Variants in SHANK1 observed in about 807,000 individuals in gnomAD.
SHANK1 encodes SH3 and multiple ankyrin repeat domains protein 1.
Under a neutral mutation model 165.6 loss-of-function variants are expected in SHANK1, and 35 were observed. That is an observed-to-expected ratio of 0.21 (90% CI 0.16 to 0.28). SHANK1 has a LOEUF of 0.28. Among genes scored for constraint, SHANK1 ranks in the 10% least tolerant of loss-of-function variants. SHANK1 has a pLI of 1.00. For synonymous variants in SHANK1, 1,428 were observed against 1,384.8 expected, an observed-to-expected ratio of 1.03 and a Z score of -0.69; for missense variants, 2,681 against 3,036.4, an observed-to-expected ratio of 0.88 and a Z score of 2.75.
chr19:50,686,196 G>C lies in SHANK1; in HGVS notation c.2577+41C>G. On this transcript the variant is annotated intron_variant, in intron 21 of 23. Coordinates refer to ENST00000293441, the MANE Select transcript of SHANK1 (RefSeq NM_016148.5). The surrounding 1 kb of genome is among the most constrained non-coding windows in gnomAD (Gnocchi z 5.7). ...AAGGCTCCAGGTTGGTGTGTGAACC[G>C]CCTCCCCCCTGGCAGTTCCTCCCCA... The C allele has an allele frequency of 8.1e-7, 1 of 1,229,290 alleles. No homozygotes were observed. The highest frequency in any genetic ancestry group is 1.2e-6 in the Non-Finnish European group (1 of 863,202). 76.1% of individuals were successfully genotyped at this position (1,229,290 alleles called of 1,614,324 possible). A position where few individuals can be genotyped will look rare whatever the true frequency, so the allele number is the denominator to read the frequency against.
In SHANK1 at chr19:50,660,253, C is replaced by T. The variant is rs906019618; in HGVS notation, c.*1712G>A. On this transcript the variant is annotated 3_prime_UTR_variant, in exon 24 of 24. Transcript: ENST00000293441. Reference sequence around the variant, plus strand: ...AGAGGAAGCGTGCGGGAAGGAACAGCCATGCTGGAGGGAGAGGGAGCTTCT... The same window carrying T: ...AGAGGAAGCGTGCGGGAAGGAACAGTCATGCTGGAGGGAGAGGGAGCTTCT... 3.3e-5 allele frequency among the ~76,000 whole-genome samples: 5 copies of T among 152,094 alleles called. No individual in the cohort carries two copies. Among genetic ancestry groups the T allele is most frequent in the African/African-American group, 1.2e-4 (5 of 41,410 alleles).
intron 21 of SHANK1, among the ~76,000 whole-genome samples, chr19:50,680,350 C>G (rs1986137140): frequency 6.6e-6 from 1 of 151,964 alleles, no homozygotes; most frequent in South Asian, 2.1e-4. Flanking sequence ...GGAGGGAACC[C>G]CAGAAGTGGG....
At position 50,687,643 on chromosome 19, in the gene SHANK1, C is replaced by A. The variant is rs779975519; in HGVS notation, c.2328G>T (p.Arg776=). 11 of 1,511,208 alleles carry A rather than the reference C, an allele frequency of 7.3e-6. No individual in the cohort carries two copies. The highest frequency in any genetic ancestry group is 9.7e-6 in the Non-Finnish European group (11 of 1,130,212). 93.6% of individuals were successfully genotyped at this position (1,511,208 alleles called of 1,614,324 possible). The change falls in exon 19 of 24, where the codon CGG becomes CGT. Residue 776 remains arginine (R), a synonymous_variant. Transcript: ENST00000293441. ...VHKKAPQQAK[R]LPPPTISLRS... ...GCAGGGAGATGGTTGGGGGCGGCAG[C>A]CGCTTGGCCTGCTGGGGTGCTGAAA...
chr19:50,672,005 C>T lies in SHANK1; in HGVS notation c.2674+13G>A. 1 of 1,601,562 alleles carries T rather than the reference C, an allele frequency of 6.2e-7. No homozygotes were observed. The highest frequency in any genetic ancestry group is 8.5e-7 in the Non-Finnish European group (1 of 1,169,642). Reference sequence around the variant, plus strand: ...TCCCCCAGCCCCCACATCTCTTCTTCTGGGTGGCATACCGATAGATTTTTG... The same window carrying T: ...TCCCCCAGCCCCCACATCTCTTCTTTTGGGTGGCATACCGATAGATTTTTG... On this transcript the variant is annotated intron_variant, in intron 22 of 23. Transcript: ENST00000293441.
Position 50,662,196 on chromosome 19 carries a change from G to A in SHANK1, c.6255C>T (p.Pro2085=), listed in dbSNP as rs1171482245. 3.7e-6 allele frequency: 6 copies of A among 1,609,710 alleles called. No homozygotes were observed. Among genetic ancestry groups the A allele is most frequent in the Admixed American group, 3.3e-5 (2 of 59,824 alleles). Residue 2085 remains proline (P), a synonymous_variant, in exon 24 of 24, where the codon CCC becomes CCT. Transcript: ENST00000293441. This position sits in a 1 kb window ranked among gnomAD's most constrained non-coding sequence, Gnocchi z 7.7. Reference sequence around the variant, plus strand: ...GTTTAGCGCCAAACGGCTTGTCCGGGGGCAGCGAGAGCAGGCGGGTCGGTG... The same window carrying A: ...GTTTAGCGCCAAACGGCTTGTCCGGAGGCAGCGAGAGCAGGCGGGTCGGTG... ...SLSPTRLLSL[P]PDKPFGAKPL... is the part of the protein sequence containing the mutation.
At chr19:50,714,415 G>T in intron 4 of SHANK1, 125 bp from the exon 5 acceptor site, 1 of 780,430 alleles carries the variant, frequency 1.3e-6, no homozygotes, top group Non-Finnish European at 2.1e-6. Flanking sequence ...AAAGCTTCTA[G>T]CAGCCTCCTT....
chr19:50,695,146 C>G (rs1040348419), intron 15 of SHANK1, among the ~76,000 whole-genome samples: 16 of 146,410 alleles, frequency 1.1e-4, no homozygotes, highest in African/African-American at 3.7e-4. Flanking sequence ...CGTGTCCGGG[C>G]CCCCAGGCCC....
At position 50,687,665 on chromosome 19, in the gene SHANK1, GA is replaced by G. The variant is rs1382782151; in HGVS notation, c.2309-4del. On this transcript the variant is annotated splice_polypyrimidine_tract_variant and splice_region_variant and intron_variant, in intron 18 of 23. Transcript: ENST00000293441. ...CAGCCGCTTGGCCTGCTGGGGTGCT[GA>G]AAAGGTGATGAGGGGAGGCATCAGT... 2.0e-6 allele frequency: 3 copies of G among 1,486,290 alleles called. No individual in the cohort carries two copies. The highest frequency in any genetic ancestry group is 2.7e-6 in the Non-Finnish European group (3 of 1,118,588). The allele number at this position is 1,486,290 out of a possible 1,614,324, so 92.1% of individuals were successfully genotyped here. A position where few individuals can be genotyped will look rare whatever the true frequency, so the allele number is the denominator to read the frequency against.
Position 50,668,031 on chromosome 19 carries a change from T to C in SHANK1, c.3929A>G (p.Tyr1310Cys). The change falls in exon 23 of 24, where the codon TAC becomes TGC. Residue 1310 changes from tyrosine (Y) to cysteine (C), a missense_variant. Around this residue, in one of 10 missense-constraint regions of SHANK1, gnomAD observed 1,713 missense variants for 1,630.2 expected, o/e 1.05. Coordinates refer to ENST00000293441, the MANE Select transcript of SHANK1 (RefSeq NM_016148.5). ...RLESAGSGAGYGGYGAGSRAY... is the reference protein window; with the variant it reads ...RLESAGSGAGCGGYGAGSRAY... ...TCGGCTACCGGCCCCGTAGCCGCCG[T>C]AGCCCGCGCCGCTGCCCGCAGACTC... The C allele has an allele frequency of 6.8e-7, 1 of 1,476,740 alleles. No homozygotes were observed. The highest frequency in any genetic ancestry group is 2.3e-5 in the Admixed American group (1 of 43,220). The allele number at this position is 1,476,740 out of a possible 1,614,324, so 91.5% of individuals were successfully genotyped here. A position where few individuals can be genotyped will look rare whatever the true frequency, so the allele number is the denominator to read the frequency against.
In SHANK1 at chr19:50,690,111, G is replaced by A. The variant is rs904850354; in HGVS notation, c.1965-832C>T. ...CATTTCCATTGCTGCAAAGCTCCCC[G>A]TGGACAGCACTGTCTTCTGTATTCC... On this transcript the variant is annotated intron_variant, in intron 15 of 23. Coordinates refer to ENST00000293441, the MANE Select transcript of SHANK1 (RefSeq NM_016148.5). The surrounding 1 kb of genome is among the most constrained non-coding windows in gnomAD (Gnocchi z 4.9). Among the ~76,000 whole-genome samples the A allele has an allele frequency of 1.3e-5, 2 of 152,124 alleles. No individual in the cohort carries two copies. Among genetic ancestry groups the A allele is most frequent in the African/African-American group, 4.8e-5 (2 of 41,406 alleles).
Position 50,668,231 on chromosome 19 carries a change from C to T in SHANK1, c.3729G>A (p.Glu1243=). ...GGCGCGCCTCATTCTGCCAGCCCCC[C>T]TCCCTCCGGGCCGCCCCCACCAGGG... ...GAALVGAARR[E]GGWQNEARRR... Residue 1243 remains glutamate (E), a synonymous_variant, in exon 23 of 24, where the codon GAG becomes GAA. Coordinates refer to ENST00000293441, the MANE Select transcript of SHANK1 (RefSeq NM_016148.5). 6.7e-7 allele frequency: 1 copy of T among 1,483,000 alleles called. No individual in the cohort carries two copies. Among genetic ancestry groups the T allele is most frequent in the Non-Finnish European group, 8.8e-7 (1 of 1,130,572 alleles). The allele number at this position is 1,483,000 out of a possible 1,614,324, so 91.9% of individuals were successfully genotyped here.
intron 15 of SHANK1, among the ~76,000 whole-genome samples, chr19:50,693,785 C>T (rs564825084): frequency 3.9e-5 from 6 of 152,130 alleles, no homozygotes; most frequent in Non-Finnish European, 5.9e-5. Flanking sequence ...GCAGCTCAGC[C>T]GGGGCTCAGC....
chr19:50,661,856 T>C lies in SHANK1; in HGVS notation c.*109A>G, dbSNP rs1599834112. 3 of 1,305,404 alleles carry C rather than the reference T, an allele frequency of 2.3e-6. No individual in the cohort carries two copies. The African/African-American group carries it at 4.4e-5, about 19-fold the overall frequency. 80.9% of individuals were successfully genotyped at this position (1,305,404 alleles called of 1,614,324 possible). The stretch of plus-strand genomic sequence containing the variant: ...TTGGGAGATGAGGGCAGGGCGCAGT[T>C]TGAACAGAGTCCCTGGCCCGGGGAG... On this transcript the variant is annotated 3_prime_UTR_variant, in exon 24 of 24. Transcript: ENST00000293441.
Position 50,703,808 on chromosome 19 carries a change from C to T in SHANK1, c.1245G>A (p.Lys415=). The change falls in exon 11 of 24, where the codon AAG becomes AAA. Residue 415 remains lysine, a synonymous_variant. Coordinates refer to ENST00000293441, the MANE Select transcript of SHANK1 (RefSeq NM_016148.5). ...GGGGCCCCCGTCGCCGGGCCGCGTA[C>T]TTGGGGGACTCCTGGAAGGGCACTG... is the stretch of plus-strand genomic sequence containing the variant. The part of the protein sequence containing the change: ...QDVVPFQESP[K]YAARRRGPPG... 1 of 1,429,538 alleles carries T rather than the reference C, an allele frequency of 7.0e-7. No homozygotes were observed. 88.6% of individuals were successfully genotyped at this position (1,429,538 alleles called of 1,614,324 possible).
chr19:50,681,353 C>T (rs1986174782), intron 21 of SHANK1, among the ~76,000 whole-genome samples: 1 of 152,054 alleles, frequency 6.6e-6, no homozygotes, highest in African/African-American at 2.4e-5. Flanking sequence ...GACTATGGGT[C>T]CTCTGGACAC....
rs1054644375 is a variant in SHANK1, at chr19:50,702,647, G to A, written c.1567C>T (p.Pro523Ser). 4 of 1,571,882 alleles carry A rather than the reference G, an allele frequency of 2.5e-6. No individual in the cohort carries two copies. The South Asian group carries it at 3.4e-5, about 14-fold the overall frequency. Reference sequence around the variant, plus strand: ...GTGCCCCCGGCTGGCCCTTCCCGGGGTGTCCCGCTGGAGCTGCGTACACAG... The same window carrying A: ...GTGCCCCCGGCTGGCCCTTCCCGGGATGTCCCGCTGGAGCTGCGTACACAG... ...PRGRPSSSGTPREGPAGGTGG... is the reference protein window; with the variant it reads ...PRGRPSSSGTSREGPAGGTGG... The change falls in exon 12 of 24, where the codon CCC becomes TCC. Residue 523 changes from proline (P) to serine (S), a missense_variant. Physicochemically the swap from Pro to Ser is moderately conservative, Grantham distance 74. Coordinates refer to ENST00000293441, the MANE Select transcript of SHANK1 (RefSeq NM_016148.5). This position sits in a 1 kb window ranked among gnomAD's most constrained non-coding sequence, Gnocchi z 5.3.
At chr19:50,687,892 G>A in intron 18 of SHANK1, 31 bp downstream of exon 18, 1 of 1,612,918 alleles carries the variant, frequency 6.2e-7, no homozygotes, top group South Asian at 1.1e-5. Context: ...TGGTGGCAGT[G>A]GGGTGGCTGC....
chr19:50,704,567 T>C, intron 8 of SHANK1, 53 bp from the exon 9 acceptor site: 2 of 1,475,106 alleles, frequency 1.4e-6, no homozygotes, highest in Admixed American at 1.7e-5. Flanking sequence ...AAAATTAAGA[T>C]CACCATGAGT....
Position 50,686,491 on chromosome 19 carries a change from G to A in SHANK1, c.2459-136C>T, listed in dbSNP as rs1986341643. ...ACCAGGAAAGGGCAGCCCTGCCTGG[G>A]TCCGGGTGGACGGGCAGTCCCGCTT... On this transcript the variant is annotated intron_variant, in intron 20 of 23. Transcript: ENST00000293441. The surrounding 1 kb of genome is among the most constrained non-coding windows in gnomAD (Gnocchi z 5.7). 1.3e-6 allele frequency: 1 copy of A among 757,082 alleles called. No individual in the cohort carries two copies. Among genetic ancestry groups the A allele is most frequent in the Middle Eastern group, 2.6e-4 (1 of 3,876 alleles). The allele number at this position is 757,082 out of a possible 1,614,324, so 46.9% of individuals were successfully genotyped here.
Sources: gnomAD v4.1 joint callset for allele counts (sites outside exome capture counted in the v4.1 genomes callset) on GRCh38, gnomAD v4.1.1 for gene constraint, gnomAD v4.1.1 regional missense constraint, Gnocchi (gnomAD v3.1) non-coding constraint, MANE v1.5 for transcripts, NCBI Gene and HGNC (gene_info 2026-07-23, HGNC 2026-07-21) for gene names.